The following CEP85 variants were observed in gnomAD, a reference collection of about 807,000 sequenced individuals.
CEP85 encodes centrosomal protein of 85 kDa.
A neutral mutation model predicts 93.7 loss-of-function variants in CEP85; 58 were observed. The observed-to-expected ratio is 0.62, with a 90% confidence interval of 0.50 to 0.77. CEP85 has a LOEUF of 0.77. CEP85 is among the 30% of genes least tolerant of loss of function. CEP85 has a pLI of 0.00. For missense variants in CEP85, 868 were observed against 922.0 expected (o/e 0.94, Z 0.76); for synonymous variants, 314 against 338.6 (o/e 0.93, Z 0.80).
chr1:26,267,560 C>T (rs895519668), intron 7 of CEP85, among the ~76,000 whole-genome samples: 1 of 151,898 alleles, frequency 6.6e-6, no homozygotes, highest in Non-Finnish European at 1.5e-5. Flanking sequence ...GCGAAACTGT[C>T]TCAAAAAAAG....
chr1:26,267,051 T>C (rs1014429330), intron 7 of CEP85, among the ~76,000 whole-genome samples: 2 of 152,200 alleles, frequency 1.3e-5, no homozygotes, highest in African/African-American at 4.8e-5. Flanking sequence ...CATCTGGAGT[T>C]AGTGTCAGAC....
chr1:26,253,617 C>T (rs2089652577), intron 3 of CEP85, among the ~76,000 whole-genome samples: 1 of 151,804 alleles, frequency 6.6e-6, no homozygotes, highest in Non-Finnish European at 1.5e-5. Flanking sequence ...TTTCGATCTC[C>T]TGACCTCATG....
rs80257740 is a variant in CEP85 at position 26,246,141 on chromosome 1, A to G, written c.208+1823A>G. ...TGTAGAGAAATGGAAACTTTTGTGC[A>G]TTGCTGGTAGGAATGTAAAGTATTG... On this transcript the variant is annotated intron_variant, in intron 3 of 13. Coordinates refer to ENST00000451429, the MANE Select transcript of CEP85 (RefSeq NM_001319944.2). Among the ~76,000 whole-genome samples, 786 of 152,262 alleles carry G rather than the reference A, an allele frequency of 5.2e-3. 4 individuals are homozygous for G. Among genetic ancestry groups the G allele is most frequent in the East Asian group, 0.025 (127 of 5,176 alleles).
intron 11 of CEP85, chr1:26,272,484 C>G (rs1291304476): frequency 1.0e-5 from 2 of 190,496 alleles, no homozygotes; most frequent in African/African-American, 2.3e-5. Flanking sequence ...GTGCTGCAAG[C>G]AGTTTGATAC....
At chr1:26,250,925 CTTTTTTCTTTTTTTTTTTTTT>C (rs2089599951) in intron 3 of CEP85, among the ~76,000 whole-genome samples, 1 of 55,160 alleles carries the variant, frequency 1.8e-5, no homozygotes, top group East Asian at 5.8e-4. Context: ...TTTTTTTTTT[CTTTTTTCTTTTTTTTTTTTTT>C]TTTTTTTTTT....
chr1:26,243,078 A>G (rs1451553612), intron 2 of CEP85, among the ~76,000 whole-genome samples: 1 of 151,378 alleles, frequency 6.6e-6, no homozygotes, highest in Non-Finnish European at 1.5e-5. Context: ...CCTTGATCTC[A>G]ATAGGATTCA....
chr1:26,236,633 T>G (rs914365204), intron 1 of CEP85, among the ~76,000 whole-genome samples: 1 of 152,214 alleles, frequency 6.6e-6, no homozygotes, highest in Non-Finnish European at 1.5e-5. Context: ...TTTTGAGATA[T>G]TTGTTGTCAA....
At position 26,235,326 on chromosome 1, in the gene CEP85, T is replaced by C. The variant is rs149143507; in HGVS notation, c.-23+1016T>C. Among the ~76,000 whole-genome samples, 124 of 152,316 alleles carry C rather than the reference T, an allele frequency of 8.1e-4. 1 individual carries two copies. The East Asian group carries it at 0.022, about 27-fold the overall frequency. ...TTGCCCTCAAACCTTGTCTGCTTTA[T>C]AGTGATCTGGTGGTTTTGTATGTCT... On this transcript the variant is annotated intron_variant, in intron 1 of 13. Coordinates refer to ENST00000451429, the MANE Select transcript of CEP85 (RefSeq NM_001319944.2).
chr1:26,270,871 A>G lies in CEP85; in HGVS notation c.1650-143A>G, dbSNP rs576682976. On this transcript the variant is annotated intron_variant, in intron 9 of 13. Coordinates refer to ENST00000451429, the MANE Select transcript of CEP85 (RefSeq NM_001319944.2). ...GAGCAGCTTTTGTGTGGCACCCCAT[A>G]TATTACAGCAGACCCAAGTATTATC... 2.6e-4 allele frequency: 148 copies of G among 580,370 alleles called. 1 individual carries two copies. Among genetic ancestry groups the G allele is most frequent in the African/African-American group, 2.5e-3 (132 of 53,528 alleles). The allele number at this position is 580,370 out of a possible 1,614,324, so 36.0% of individuals were successfully genotyped here. A position where few individuals can be genotyped will look rare whatever the true frequency, so the allele number is the denominator to read the frequency against.
At chr1:26,250,928 T>TTC in intron 3 of CEP85, among the ~76,000 whole-genome samples, 1 of 14,978 alleles carries the variant, frequency 6.7e-5, no homozygotes, top group South Asian at 2.7e-3. Flanking sequence ...TTTTTTTCTT[T>TTC]TTTCTTTTTT....
At chr1:26,237,298 A>G (rs1284657047) in intron 1 of CEP85, among the ~76,000 whole-genome samples, 1 of 152,162 alleles carries the variant, frequency 6.6e-6, no homozygotes, top group Non-Finnish European at 1.5e-5. Context: ...AGTCACCACT[A>G]TCTAATCTCA....
intron 3 of CEP85, among the ~76,000 whole-genome samples, chr1:26,253,426 G>A (rs2089649548): frequency 2.2e-5 from 3 of 135,346 alleles, no homozygotes; most frequent in African/African-American, 8.5e-5. Context: ...GTCTCACTCT[G>A]TCGCCCAGGC....
At chr1:26,251,321 G>C (rs183424623) in intron 3 of CEP85, among the ~76,000 whole-genome samples, 1 of 143,306 alleles carries the variant, frequency 7.0e-6, no homozygotes, top group African/African-American at 2.6e-5. Flanking sequence ...GTGCAATCTC[G>C]GCTCACTGCA....
Position 26,255,717 on chromosome 1 carries a change from T to G in CEP85, c.755T>G (p.Leu252Arg), listed in dbSNP as rs1158248707. 6.2e-7 allele frequency: 1 copy of G among 1,614,164 alleles called. No individual in the cohort carries two copies. The highest frequency in any genetic ancestry group is 1.7e-5 in the Admixed American group (1 of 60,018). The change falls in exon 4 of 14, where the codon CTC becomes CGC. Residue 252 changes from leucine (L) to arginine (R), a missense_variant. By Grantham distance (102) the Leu-to-Arg change is moderately radical. Coordinates refer to ENST00000451429, the MANE Select transcript of CEP85 (RefSeq NM_001319944.2). ...AGCAGTGGGGTCCTCCCTTTGGGAC[T>G]CCAGCCTGCTCCCGGGCTCTCCAAG... is the stretch of plus-strand genomic sequence containing the variant. ...SNSSGVLPLG[L>R]QPAPGLSKPL... is the part of the protein sequence containing the mutation.
chr1:26,259,492 G>GAACC, intron 6 of CEP85, 125 bp from the exon 7 acceptor site: 1 of 911,770 alleles, frequency 1.1e-6, no homozygotes, highest in Non-Finnish European at 1.7e-6. Flanking sequence ...ACCTAGTTGA[G>GAACC]AACCACTTCT....
chr1:26,243,311 GTCTT>G (rs2089457306), intron 2 of CEP85, among the ~76,000 whole-genome samples: 8 of 151,798 alleles, frequency 5.3e-5, no homozygotes, highest in Non-Finnish European at 1.5e-5. Context: ...AGTGATGGTG[GTCTT>G]GGTTGAGGGT....
At chr1:26,242,794 TTTTG>T (rs10655802) in intron 2 of CEP85, among the ~76,000 whole-genome samples, 2 of 151,370 alleles carry the variant, frequency 1.3e-5, no homozygotes, top group East Asian at 1.9e-4. Flanking sequence ...CCATTAGTTT[TTTTG>T]TTTGTTTGTT....
chr1:26,267,216 TACTC>T (rs200175143), intron 7 of CEP85, among the ~76,000 whole-genome samples: 1,529 of 152,314 alleles, frequency 0.01, 13 homozygotes, highest in Non-Finnish European at 0.012. Context: ...TTCCCAGAAT[TACTC>T]ACAGAACTTA....
chr1:26,246,217 T>C (rs1419283126), intron 3 of CEP85, among the ~76,000 whole-genome samples: 1 of 152,170 alleles, frequency 6.6e-6, no homozygotes, highest in Non-Finnish European at 1.5e-5. Context: ...CATAGAGTTA[T>C]TCCTGACCCG....
Sources: gnomAD v4.1 joint callset for allele counts (sites outside exome capture counted in the v4.1 genomes callset) on GRCh38, gnomAD v4.1.1 for gene constraint, MANE v1.5 for transcripts, NCBI Gene and HGNC (gene_info 2026-07-23, HGNC 2026-07-21) for gene names.